Variants in SLC12A6 observed in about 807,000 individuals in gnomAD.
The protein encoded by SLC12A6 is K-Cl cotransporter 3.
A neutral mutation model predicts 135.3 loss-of-function variants in SLC12A6; 66 were observed. That is an observed-to-expected ratio of 0.49 (90% confidence interval 0.40 to 0.60). The LOEUF (loss-of-function observed/expected upper bound fraction) is 0.60. SLC12A6 is among the 20% of genes least tolerant of loss of function. The pLI is 0.00. For synonymous variants in SLC12A6, 513 were observed against 508.8 expected, an observed-to-expected ratio of 1.01 and a Z score of -0.11; for missense variants, 1,058 against 1,452.3, an observed-to-expected ratio of 0.73 and a Z score of 4.41.
Position 34,250,716 on chromosome 15 carries a change from T to G in SLC12A6, c.1506A>C (p.Gly502=). 6.3e-7 allele frequency: 1 copy of G among 1,598,266 alleles called. No individual in the cohort carries two copies. Among genetic ancestry groups the G allele is most frequent in the Non-Finnish European group, 8.6e-7 (1 of 1,165,534 alleles). ...FFPSVTGIMA[G]SNRSGDLKDA... The stretch of plus-strand genomic sequence containing the variant: ...CTTTCAGATCTCCAGATCTGTTTGA[T>G]CCAGCCATGATACCTTTAGAGATAA... Residue 502 remains glycine (G), a synonymous_variant, in exon 12 of 26, where the codon GGA becomes GGC. Coordinates refer to ENST00000354181, the MANE Select transcript of SLC12A6 (RefSeq NM_001365088.1).
intron 2 of SLC12A6, among the ~76,000 whole-genome samples, chr15:34,297,539 T>TA (rs1895955437): frequency 6.6e-6 from 1 of 152,154 alleles, no homozygotes; most frequent in South Asian, 2.1e-4. Context: ...GTGTAGCCAA[T>TA]AAAGCCAATG....
intron 3 of SLC12A6, among the ~76,000 whole-genome samples, chr15:34,272,269 G>A (rs1894017163): frequency 6.6e-6 from 1 of 152,120 alleles, no homozygotes. Flanking sequence ...ACGGCGCCTG[G>A]TTGGAAGATT....
At chr15:34,278,283 T>C (rs1351362140) in intron 2 of SLC12A6, among the ~76,000 whole-genome samples, 1 of 151,756 alleles carries the variant, frequency 6.6e-6, no homozygotes, top group African/African-American at 2.4e-5. Context: ...AAAAATCAGC[T>C]GGGCGTGGTG....
In SLC12A6 at chr15:34,245,779, T is replaced by C. The variant is rs1228101718; in HGVS notation, c.1738A>G (p.Thr580Ala). The C allele has an allele frequency of 2.5e-6, 4 of 1,613,710 alleles. No homozygotes were observed. The highest frequency in any genetic ancestry group is 3.4e-6 in the Non-Finnish European group (4 of 1,179,692). The change falls in exon 14 of 26, where the codon ACA becomes GCA. Residue 580 changes from threonine (T) to alanine (A), a missense_variant. Thr to Ala is a moderately conservative substitution (Grantham distance 58). Around this residue, in one of 6 missense-constraint regions of SLC12A6, gnomAD observed 170 missense variants for 297.6 expected, o/e 0.57. Transcript: ENST00000354181. ...AGGCTCTGAAGTCCAGCCCCACATGTTGAAAAGAAGGAGCCAATAACAATC... is the reference window on the plus strand; with the variant it reads ...AGGCTCTGAAGTCCAGCCCCACATGCTGAAAAGAAGGAGCCAATAACAATC... ...WVIVIGSFFS[T>A]CGAGLQSLTG...
intron 2 of SLC12A6, among the ~76,000 whole-genome samples, chr15:34,329,973 T>G (rs775743593): frequency 6.6e-6 from 1 of 152,236 alleles, no homozygotes; most frequent in Non-Finnish European, 1.5e-5. Context: ...TCATTTAACC[T>G]GTAAATACTT....
intron 2 of SLC12A6, among the ~76,000 whole-genome samples, chr15:34,282,539 G>A (rs1894757140): frequency 6.6e-6 from 1 of 151,996 alleles, no homozygotes. Flanking sequence ...GACTACCTGA[G>A]GCCAGGAGCT....
intron 2 of SLC12A6, among the ~76,000 whole-genome samples, chr15:34,329,853 T>C (rs1337617439): frequency 6.6e-6 from 1 of 152,154 alleles, no homozygotes; most frequent in Non-Finnish European, 1.5e-5. Context: ...AATAGTAAAA[T>C]GTACCTTTTA....
chr15:34,270,802 C>CA (rs1259482661), intron 3 of SLC12A6, among the ~76,000 whole-genome samples: 2 of 131,238 alleles, frequency 1.5e-5, no homozygotes, highest in African/African-American at 2.9e-5. Context: ...GATTCCATCT[C>CA]AAAAAACAAA....
chr15:34,303,467 C>G (rs1389866952), intron 2 of SLC12A6, among the ~76,000 whole-genome samples: 1 of 151,824 alleles, frequency 6.6e-6, no homozygotes, highest in East Asian at 1.9e-4. Context: ...TTTCATTGAG[C>G]CTAATGCCTT....
At chr15:34,284,809 G>T (rs924491502) in intron 2 of SLC12A6, among the ~76,000 whole-genome samples, 4 of 152,156 alleles carry the variant, frequency 2.6e-5, no homozygotes, top group Non-Finnish European at 4.4e-5. Flanking sequence ...TGGGAGAGTG[G>T]TTTGTGTGCA....
chr15:34,325,551 A>G (rs531250903), intron 2 of SLC12A6, among the ~76,000 whole-genome samples: 1 of 152,344 alleles, frequency 6.6e-6, no homozygotes, highest in African/African-American at 2.4e-5. Flanking sequence ...AATGTCATAC[A>G]TCAGAAATGA....
chr15:34,254,708 G>C, intron 8 of SLC12A6, 119 bp from the exon 9 acceptor site: 2 of 768,810 alleles, frequency 2.6e-6, no homozygotes, highest in Non-Finnish European at 4.3e-6. Flanking sequence ...AAATGACTGG[G>C]GAATTAGCCT....
At chr15:34,294,190 C>T (rs1227113858) in intron 2 of SLC12A6, among the ~76,000 whole-genome samples, 1 of 152,128 alleles carries the variant, frequency 6.6e-6, no homozygotes, top group Non-Finnish European at 1.5e-5. Context: ...GCCCCACTCC[C>T]AACTCTTTTA....
intron 1 of SLC12A6, chr15:34,336,953 C>T (rs1890241135): frequency 2.1e-6 from 1 of 475,336 alleles, no homozygotes; most frequent in Non-Finnish European, 3.8e-6. Flanking sequence ...TCTTGTGTGA[C>T]TTCTTTCCTT....
intron 17 of SLC12A6, 111 bp from the exon 18 acceptor site, chr15:34,241,448 T>A: frequency 1.5e-6 from 1 of 678,844 alleles, no homozygotes; most frequent in Non-Finnish European, 2.6e-6. Context: ...GGTAGAAGAT[T>A]AAAGCTCAGA....
At position 34,318,032 on chromosome 15, in the gene SLC12A6, T is replaced by C. The variant is rs562504466; in HGVS notation, c.271+18378A>G. ...CTTTTGTTCTGCCATTAAAAAATTC[T>C]TAGACCATTCATTATTGAATTATAG... On this transcript the variant is annotated intron_variant, in intron 2 of 25. Coordinates refer to ENST00000354181, the MANE Select transcript of SLC12A6 (RefSeq NM_001365088.1). 3.3e-5 allele frequency among the ~76,000 whole-genome samples: 5 copies of C among 152,322 alleles called. No individual in the cohort carries two copies. In the South Asian group the frequency reaches 1.0e-3, roughly 32 times the overall value.
rs1040849546 is a variant in SLC12A6 at position 34,232,541 on chromosome 15, A to G, written c.*1340T>C. The G allele has an allele frequency of 1.3e-5, 2 of 152,306 alleles. No homozygotes were observed. The highest frequency in any genetic ancestry group is 4.8e-5 in the African/African-American group (2 of 41,428). 9.4% of individuals were successfully genotyped at this position (152,306 alleles called of 1,614,324 possible). On this transcript the variant is annotated 3_prime_UTR_variant, in exon 26 of 26. Transcript: ENST00000354181. ...CGGCACCCGGCCTGAAGTTTCTGAA[A>G]ACAAATTAGAAGACTGTTGGCTTGG...
At chr15:34,280,574 G>T (rs1894608852) in intron 2 of SLC12A6, among the ~76,000 whole-genome samples, 1 of 152,152 alleles carries the variant, frequency 6.6e-6, no homozygotes, top group African/African-American at 2.4e-5. Context: ...TGAATTTGGG[G>T]ATGTAAACTA....
intron 10 of SLC12A6, 111 bp downstream of exon 10, chr15:34,252,059 G>A: frequency 1.4e-6 from 1 of 699,678 alleles, no homozygotes; most frequent in South Asian, 1.5e-5. Flanking sequence ...CTTAAGAAGG[G>A]AATTAGCACC....
Sources: allele counts gnomAD v4.1 joint callset (sites outside exome capture counted in the v4.1 genomes callset), GRCh38; gene constraint gnomAD v4.1.1; regional missense constraint gnomAD v4.1.1; transcripts MANE v1.5; gene names NCBI Gene and HGNC (gene_info 2026-07-23, HGNC 2026-07-21).